GGA2: variants seen among roughly 807,000 people sequenced by gnomAD.
GGA2 encodes golgi associated, gamma adaptin ear containing, ARF binding protein 2, also known as ADP-ribosylation factor-binding protein GGA2.
A neutral mutation model predicts 79.5 loss-of-function variants in GGA2; 48 were observed. That is an observed-to-expected ratio of 0.60 (90% CI 0.48 to 0.77). The LOEUF (loss-of-function observed/expected upper bound fraction) is 0.77, where lower values mean the gene tolerates loss of function less well. GGA2 is among the 30% of genes least tolerant of loss of function. GGA2 has a pLI of 0.00. For synonymous variants in GGA2, 317 were observed against 302.0 expected (o/e 1.05, Z -0.51); for missense variants, 770 against 774.0 (o/e 0.99, Z 0.06).
intron 1 of GGA2, among the ~76,000 whole-genome samples, chr16:23,509,072 T>G (rs985026888): frequency 1.3e-5 from 2 of 152,116 alleles, no homozygotes; most frequent in Non-Finnish European, 2.9e-5. Context: ...GCCTGAAGTC[T>G]CACCCTCTCC....
rs1417062289 is a variant in GGA2, at chr16:23,480,641, A to G, written c.1006+4T>C. Reference sequence around the variant, plus strand: ...AGAAGGCAAGGAGAAGCTTTCAAACATACCTCTGGAGACAGGGATGTCTCC... The same window carrying G: ...AGAAGGCAAGGAGAAGCTTTCAAACGTACCTCTGGAGACAGGGATGTCTCC... On this transcript the variant is annotated splice_donor_region_variant and intron_variant, in intron 10 of 16. Coordinates refer to ENST00000309859, the MANE Select transcript of GGA2 (RefSeq NM_015044.4). 2 of 1,605,344 alleles carry G rather than the reference A, an allele frequency of 1.2e-6. No individual in the cohort carries two copies. Among genetic ancestry groups the G allele is most frequent in the Admixed American group, 3.3e-5 (2 of 59,854 alleles).
chr16:23,477,907 G>A (rs991805453), intron 13 of GGA2, among the ~76,000 whole-genome samples: 1 of 152,034 alleles, frequency 6.6e-6, no homozygotes, highest in Non-Finnish European at 1.5e-5. Flanking sequence ...CAAGTACAAG[G>A]CATGAGCCAC....
chr16:23,483,658 T>C (rs1404759516), intron 8 of GGA2, among the ~76,000 whole-genome samples: 5 of 152,002 alleles, frequency 3.3e-5, no homozygotes, highest in Non-Finnish European at 5.9e-5. Flanking sequence ...TTTTTGGTTT[T>C]TTTTTGAGAC....
Position 23,465,705 on chromosome 16 carries a change from C to T in GGA2, c.*1885G>A. ...CCTGTAATCCCAGCACTCTGGGAGG[C>T]CAAGGCAGGCGGATCACCTGAGGTC... is the stretch of plus-strand genomic sequence containing the variant. On this transcript the variant is annotated 3_prime_UTR_variant, in exon 17 of 17. Transcript: ENST00000309859. 3.3e-6 allele frequency: 1 copy of T among 300,956 alleles called. No individual in the cohort carries two copies. The allele number at this position is 300,956 out of a possible 1,614,324, so 18.6% of individuals were successfully genotyped here.
At chr16:23,519,884 G>C (rs1457176228) in intron 1 of GGA2, among the ~76,000 whole-genome samples, 1 of 152,180 alleles carries the variant, frequency 6.6e-6, no homozygotes, top group Non-Finnish European at 1.5e-5. Flanking sequence ...CAAGATCACT[G>C]TTTCTAAGGA....
intron 1 of GGA2, 34 bp downstream of exon 1, chr16:23,510,287 A>G: frequency 1.5e-6 from 2 of 1,356,822 alleles, no homozygotes; most frequent in Non-Finnish European, 1.9e-6. Context: ...CGTGCGGCGC[A>G]GCGGCTGCGC....
Position 23,467,422 on chromosome 16 carries a change from A to ACACACACACACACACACACAC in GGA2, c.*167_*168insGTGTGTGTGTGTGTGTGTGTG. ...CACACACACACACACACACACACAC[A>ACACACACACACACACACACAC]CACACACACACAGAGCATCTGCAGA... is the stretch of plus-strand genomic sequence containing the variant. On this transcript the variant is annotated 3_prime_UTR_variant, in exon 17 of 17. Coordinates refer to ENST00000309859, the MANE Select transcript of GGA2 (RefSeq NM_015044.4). The ACACACACACACACACACACAC allele has an allele frequency of 4.9e-6, 3 of 610,872 alleles. No individual in the cohort carries two copies. Among genetic ancestry groups the ACACACACACACACACACACAC allele is most frequent in the Non-Finnish European group, 8.9e-6 (3 of 337,190 alleles). 37.8% of individuals were successfully genotyped at this position (610,872 alleles called of 1,614,324 possible).
Position 23,495,795 on chromosome 16 carries a change from A to G in GGA2, c.92-17T>C, listed in dbSNP as rs1413620309. ...TGGCTTTGTCTGTCAAATAAATAAT[A>G]AAGTTAGAGAGTACATAATAGGAAG... On this transcript the variant is annotated splice_polypyrimidine_tract_variant and intron_variant, in intron 1 of 16. Coordinates refer to ENST00000309859, the MANE Select transcript of GGA2 (RefSeq NM_015044.4). 6.4e-7 allele frequency: 1 copy of G among 1,559,448 alleles called. No individual in the cohort carries two copies. Among genetic ancestry groups the G allele is most frequent in the African/African-American group, 1.4e-5 (1 of 73,898 alleles).
chr16:23,464,953 A>C lies in GGA2; in HGVS notation c.*2637T>G. The C allele has an allele frequency of 8.7e-6, 2 of 229,714 alleles. No individual in the cohort carries two copies. Among genetic ancestry groups the C allele is most frequent in the South Asian group, 1.5e-4 (2 of 13,580 alleles). The allele number at this position is 229,714 out of a possible 1,614,324, so 14.2% of individuals were successfully genotyped here. On this transcript the variant is annotated 3_prime_UTR_variant, in exon 17 of 17. Transcript: ENST00000309859. ...GGATTGGACTCTGGAAAACCATCAC[A>C]CTTAAGAGACAGAGGAAAAAGAGCA...
At chr16:23,475,932 G>GA (rs1378529097) in intron 13 of GGA2, among the ~76,000 whole-genome samples, 53 of 81,586 alleles carry the variant, frequency 6.5e-4, no homozygotes, top group South Asian at 5.0e-3. Flanking sequence ...TCCATCTCAG[G>GA]AAAAAAAAAA....
In GGA2 at chr16:23,517,518, C is replaced by T. The variant is rs1965109191; in HGVS notation, c.61+2069G>A. ...TGCTGGGATTACAGGCGTGAGCCAC[C>T]GCGCCCGGCCCCAGCTAATTTTTTT... On this transcript the variant is annotated intron_variant, in intron 2 of 5. Coordinates refer to the GGA2 transcript ENST00000569300. Among the ~76,000 whole-genome samples, 2 of 4,340 alleles carry T rather than the reference C, an allele frequency of 4.6e-4. 1 individual carries two copies. The highest frequency in any genetic ancestry group is 1.7e-3 in the African/African-American group (2 of 1,164). 2.8% of individuals were successfully genotyped at this position (4,340 alleles called of 152,430 possible). A position where few individuals can be genotyped will look rare whatever the true frequency, so the allele number is the denominator to read the frequency against.
chr16:23,504,808 A>G (rs1471457607), intron 1 of GGA2, among the ~76,000 whole-genome samples: 4 of 152,220 alleles, frequency 2.6e-5, no homozygotes, highest in African/African-American at 9.6e-5. Flanking sequence ...GGGTGCTGAG[A>G]AATAGCACTG....
upstream of GGA2, chr16:23,522,105 C>T (rs75781747): frequency 3.6e-5 from 10 of 274,900 alleles, no homozygotes; most frequent in South Asian, 1.4e-4. Flanking sequence ...CTCATATAAG[C>T]GCACAATAAA....
intron 1 of GGA2, among the ~76,000 whole-genome samples, chr16:23,497,152 T>C (rs1316747515): frequency 6.6e-6 from 1 of 151,424 alleles, no homozygotes; most frequent in African/African-American, 2.4e-5. Context: ...CCTCTGGCCA[T>C]CTGGTCCTGG....
rs188881722 is a variant in GGA2, at chr16:23,476,736, G to A, written c.1292+1632C>T. ...AAGGAACGTTCAACCTTGTTTTTAG[G>A]GAGTGGCACTTTGCACTTTGTTGTA... On this transcript the variant is annotated intron_variant, in intron 13 of 16. Coordinates refer to ENST00000309859, the MANE Select transcript of GGA2 (RefSeq NM_015044.4). 1.7e-4 allele frequency among the ~76,000 whole-genome samples: 26 copies of A among 152,254 alleles called. No individual in the cohort carries two copies. In the East Asian group the frequency reaches 4.8e-3, roughly 28 times the overall value.
chr16:23,480,304 G>GT (rs2142121207), intron 10 of GGA2: 1 of 315,428 alleles, frequency 3.2e-6, no homozygotes, highest in Admixed American at 4.5e-5. Context: ...CAGTGCTCCA[G>GT]GTGATTCTGA....
intron 4 of GGA2, among the ~76,000 whole-genome samples, chr16:23,492,959 T>TC (rs1964807974): frequency 6.6e-6 from 1 of 152,118 alleles, no homozygotes; most frequent in Non-Finnish European, 1.5e-5. Context: ...AAGGCAGGGC[T>TC]CAATGTTGGT....
intron 6 of GGA2, 51 bp downstream of exon 6, chr16:23,488,555 G>T: frequency 9.5e-7 from 1 of 1,055,246 alleles, no homozygotes. Flanking sequence ...GGCATTTACA[G>T]TGCCTAAGAG....
intron 1 of GGA2, among the ~76,000 whole-genome samples, chr16:23,498,235 G>T (rs968907750): frequency 6.6e-6 from 1 of 151,662 alleles, no homozygotes; most frequent in Non-Finnish European, 1.5e-5. Context: ...AGCTGAGATC[G>T]TGACACTGCA....
Sources: gnomAD v4.1 joint callset for allele counts (sites outside exome capture counted in the v4.1 genomes callset) on GRCh38, gnomAD v4.1.1 for gene constraint, MANE v1.5 for transcripts, NCBI Gene and HGNC (gene_info 2026-07-23, HGNC 2026-07-21) for gene names.